The following HMGXB3 variants were observed in gnomAD, a reference collection of about 807,000 sequenced individuals.
HMGXB3 encodes HMG-box containing 3.
In HMGXB3, 45 loss-of-function variants were observed where a neutral mutation model predicts 121.5. The ratio of observed to expected loss-of-function variants is 0.37; its 90% CI spans 0.29 to 0.47. The LOEUF (loss-of-function observed/expected upper bound fraction) is 0.47. Ranked by LOEUF, HMGXB3 falls within the 20% of genes least tolerant of loss-of-function variation. HMGXB3 has a pLI of 0.99. For synonymous variants in HMGXB3, 590 were observed against 624.1 expected (o/e 0.95, Z 0.81); for missense variants, 1,376 against 1,602.2 (o/e 0.86, Z 2.41).
chr5:150,012,779 G>A (rs982002091), intron 5 of HMGXB3, among the ~76,000 whole-genome samples: 5 of 152,178 alleles, frequency 3.3e-5, no homozygotes, highest in Non-Finnish European at 5.9e-5. Context: ...GACTGGATTC[G>A]TTTCTTGATT....
intron 16 of HMGXB3, 61 bp downstream of exon 16, chr5:150,045,746 TG>T (rs1423629511): frequency 1.5e-5 from 20 of 1,334,476 alleles, no homozygotes; most frequent in Admixed American, 9.9e-5. Flanking sequence ...TCTGGGACAT[TG>T]TCCATGGCAA....
At chr5:150,038,162 C>T (rs1249016522) in intron 13 of HMGXB3, among the ~76,000 whole-genome samples, 2 of 152,208 alleles carry the variant, frequency 1.3e-5, no homozygotes, top group Non-Finnish European at 2.9e-5. Flanking sequence ...TATTATTCAT[C>T]AACATCAGGC....
In HMGXB3 at chr5:150,018,666, G is replaced by C; in HGVS notation, c.1010G>C (p.Gly337Ala). ...AAGCCACCTAAGTGCCCTACCTGTG[G>C]TAACTTCCTAGGAGGGAAGTGGATC... ...RHKPPKCPTC[G>A]NFLGGKWIPK... Residue 337 changes from glycine (G) to alanine (A), a missense_variant, in exon 6 of 20, where the codon GGT (glycine) becomes GCT (alanine). By Grantham distance (60) the Gly-to-Ala change is moderately conservative. Coordinates refer to ENST00000502717, the MANE Select transcript of HMGXB3 (RefSeq NM_014983.3). The C allele has an allele frequency of 6.4e-7, 1 of 1,550,634 alleles. No homozygotes were observed. Among genetic ancestry groups the C allele is most frequent in the Non-Finnish European group, 8.7e-7 (1 of 1,146,508 alleles).
intron 1 of HMGXB3, 24 bp from the exon 2 acceptor site, chr5:150,004,827 T>C: frequency 6.6e-7 from 1 of 1,507,784 alleles, no homozygotes; most frequent in Non-Finnish European, 8.9e-7. Context: ...CTGGAAACTT[T>C]ATTTTGACTT....
chr5:150,024,683 A>T lies in HMGXB3; in HGVS notation c.1460+3A>T. On this transcript the variant is annotated splice_donor_region_variant and intron_variant, in intron 7 of 19. Transcript: ENST00000502717. Reference sequence around the variant, plus strand: ...CCTGCTCCTAAAAAACCTACAGGGTAAGTCAGTGTGTTTGTATAATATAGG... The same window carrying T: ...CCTGCTCCTAAAAAACCTACAGGGTTAGTCAGTGTGTTTGTATAATATAGG... 1 of 1,536,800 alleles carries T rather than the reference A, an allele frequency of 6.5e-7. No individual in the cohort carries two copies. Among genetic ancestry groups the T allele is most frequent in the Non-Finnish European group, 8.8e-7 (1 of 1,139,668 alleles).
rs138317564 is a variant in HMGXB3 at position 150,035,594 on chromosome 5, G to A, written c.1984-1042G>A. ...GTGTCTCAGGCATCATGCTGGTTGG[G>A]AATCAGTAAATAAGCAGAATCCTAC... On this transcript the variant is annotated intron_variant, in intron 11 of 19. Transcript: ENST00000502717. 3.4e-3 allele frequency among the ~76,000 whole-genome samples: 519 copies of A among 152,186 alleles called. 3 individuals carry two copies. Among genetic ancestry groups the A allele is most frequent in the African/African-American group, 0.012 (493 of 41,518 alleles).
At chr5:150,019,390 C>G (rs1178647463) in intron 6 of HMGXB3, among the ~76,000 whole-genome samples, 1 of 152,168 alleles carries the variant, frequency 6.6e-6, no homozygotes, top group Non-Finnish European at 1.5e-5. Flanking sequence ...ACCTTGGTAT[C>G]TCCCACAGCC....
chr5:150,014,747 G>T, intron 5 of HMGXB3: 1 of 277,828 alleles, frequency 3.6e-6, no homozygotes, highest in South Asian at 6.8e-5. Context: ...GCAAAGGCAA[G>T]GTGGAGTCTG....
chr5:150,001,082 A>C lies in HMGXB3; in HGVS notation c.-100A>C, dbSNP rs1248021768. 1 of 154,192 alleles carries C rather than the reference A, an allele frequency of 6.5e-6. No individual in the cohort carries two copies. The highest frequency in any genetic ancestry group is 1.5e-5 in the Non-Finnish European group (1 of 68,228). 9.6% of individuals were successfully genotyped at this position (154,192 alleles called of 1,614,324 possible). A position where few individuals can be genotyped will look rare whatever the true frequency, so the allele number is the denominator to read the frequency against. On this transcript the variant is annotated 5_prime_UTR_variant, in exon 1 of 20. Transcript: ENST00000502717. ...TCACGACTGGAGCCGCCTCTCGCCG[A>C]CAGCGGGGAGCGCGAGTGCGCCAGC...
At chr5:150,046,110 G>C (rs1482594844) in intron 16 of HMGXB3, among the ~76,000 whole-genome samples, 1 of 152,196 alleles carries the variant, frequency 6.6e-6, no homozygotes, top group East Asian at 1.9e-4. Context: ...GCGGGTAAGA[G>C]GATAGGTTTC....
At position 150,024,434 on chromosome 5, in the gene HMGXB3, C is replaced by G. The variant is rs377299024; in HGVS notation, c.1214C>G (p.Pro405Arg). The G allele has an allele frequency of 3.2e-6, 5 of 1,551,726 alleles. No individual in the cohort carries two copies. In the South Asian group the frequency reaches 4.8e-5, roughly 15 times the overall value. ...GTAAGCCAGCTCCTGAACGTAGCTC[C>G]TCCCAGAGAAGTAGGTGAGGAGAGT... ...EAVSQLLNVA[P>R]PREVGEESEW... Residue 405 changes from proline (P) to arginine (R), a missense_variant, in exon 7 of 20, where the codon CCT (proline) becomes CGT (arginine). Coordinates refer to ENST00000502717, the MANE Select transcript of HMGXB3 (RefSeq NM_014983.3).
rs1164729055 is a variant in HMGXB3 at position 150,052,428 on chromosome 5, C to T, written c.*236C>T. 1 of 531,258 alleles carries T rather than the reference C, an allele frequency of 1.9e-6. No homozygotes were observed. Among genetic ancestry groups the T allele is most frequent in the Non-Finnish European group, 3.4e-6 (1 of 296,436 alleles). 32.9% of individuals were successfully genotyped at this position (531,258 alleles called of 1,614,324 possible). On this transcript the variant is annotated 3_prime_UTR_variant, in exon 20 of 20. Transcript: ENST00000502717. ...AACCTCTTCTGGCCCCGAGAGAGCA[C>T]TTGGGGGACACGGTATGTTTAATGG...
At chr5:150,027,230 G>T (rs1195155459) in intron 9 of HMGXB3, 113 bp downstream of exon 9, 5 of 676,988 alleles carry the variant, frequency 7.4e-6, no homozygotes, top group Non-Finnish European at 1.2e-5. Context: ...GCAGACCTCT[G>T]GGTGGAGGTT....
Position 150,047,675 on chromosome 5 carries a change from A to G in HMGXB3, c.3002A>G (p.Asp1001Gly). The G allele has an allele frequency of 6.4e-7, 1 of 1,551,750 alleles. No individual in the cohort carries two copies. The highest frequency in any genetic ancestry group is 8.7e-7 in the Non-Finnish European group (1 of 1,146,994). ...CTCCAGGAGGGCACCTGCAAGCTTG[A>G]TGAGATTGGCTCCTACAGTGAAGAG... ...RLLQEGTCKL[D>G]EIGSYSEEKL... The change falls in exon 17 of 20, where the codon GAT (aspartate) becomes GGT (glycine). Residue 1001 changes from aspartate (D) to glycine (G), a missense_variant. This residue lies in a region of HMGXB3 where 1,116 missense variants were observed against 1,369.0 expected (regional missense o/e 0.82). Transcript: ENST00000502717.
At chr5:150,036,466 C>G (rs920978024) in intron 11 of HMGXB3, among the ~76,000 whole-genome samples, 170 bp from the exon 12 acceptor site, 30 of 152,146 alleles carry the variant, frequency 2.0e-4, no homozygotes, top group African/African-American at 6.5e-4. Context: ...AGAAAAATAA[C>G]CAGCCTTTAG....
At chr5:150,034,666 T>C (rs1756461907) in intron 11 of HMGXB3, among the ~76,000 whole-genome samples, 1 of 152,188 alleles carries the variant, frequency 6.6e-6, no homozygotes, top group South Asian at 2.1e-4. Context: ...CTCCTAAAGT[T>C]TGGAGAAATA....
At chr5:150,027,808 C>T (rs1756269364) in intron 9 of HMGXB3, among the ~76,000 whole-genome samples, 1 of 152,144 alleles carries the variant, frequency 6.6e-6, no homozygotes, top group Non-Finnish European at 1.5e-5. Context: ...CCACCTCGGC[C>T]TCCCAAAGTG....
At chr5:150,030,956 A>C (rs2278394) in intron 10 of HMGXB3, 117 bp downstream of exon 10, 90,930 of 664,078 alleles carry the variant, frequency 0.14, 8,334 homozygotes, top group Admixed American at 0.33. Flanking sequence ...GAACAGGGTC[A>C]GGTATAGATT....
In HMGXB3 at chr5:150,039,135, G is replaced by T. The variant is rs193245652; in HGVS notation, c.2413+1608G>T. 7.2e-5 allele frequency among the ~76,000 whole-genome samples: 11 copies of T among 152,276 alleles called. No individual in the cohort carries two copies. In the East Asian group the frequency reaches 1.7e-3, roughly 24 times the overall value. On this transcript the variant is annotated intron_variant, in intron 13 of 19. Transcript: ENST00000502717. ...TTTTGTTTTTCAGCCATTCTAATAGGTGTGTCTCCGTATAAACTGTAGAGT... is the reference window on the plus strand; with the variant it reads ...TTTTGTTTTTCAGCCATTCTAATAGTTGTGTCTCCGTATAAACTGTAGAGT...
Sources: allele counts gnomAD v4.1 joint callset (sites outside exome capture counted in the v4.1 genomes callset), GRCh38; gene constraint gnomAD v4.1.1; regional missense constraint gnomAD v4.1.1; transcripts MANE v1.5; gene names NCBI Gene and HGNC (gene_info 2026-07-23, HGNC 2026-07-21).